The following PKP4 variants were observed in gnomAD, a reference collection of about 807,000 sequenced individuals.
The protein encoded by PKP4 is plakophilin-4.
In PKP4, 90 loss-of-function variants were observed where a neutral mutation model predicts 145.1. The observed-to-expected ratio is 0.62, with a 90% confidence interval of 0.52 to 0.74. PKP4 has a LOEUF of 0.74. PKP4 is among the 30% of genes least tolerant of loss of function. The probability of loss-of-function intolerance (pLI) is 0.00; values close to 1 mark genes in which losing one functional copy is unlikely to be tolerated. For synonymous variants in PKP4, 563 were observed against 577.2 expected, an observed-to-expected ratio of 0.98 and a Z score of 0.35; for missense variants, 1,340 against 1,482.7, an observed-to-expected ratio of 0.90 and a Z score of 1.58.
At chr2:158,670,003 T>A in intron 17 of PKP4, 88 bp downstream of exon 17, 6 of 1,022,176 alleles carry the variant, frequency 5.9e-6, no homozygotes, top group East Asian at 2.5e-5. Flanking sequence ...CCTTTCCTAT[T>A]GGAAAGGATT....
chr2:158,577,484 A>T lies in PKP4; in HGVS notation c.245+101A>T, dbSNP rs943323836. On this transcript the variant is annotated intron_variant, in intron 3 of 21. Coordinates refer to ENST00000389759, the MANE Select transcript of PKP4 (RefSeq NM_003628.6). ...GATTCTGTTAGTGTTGTTACTGTTAACTTGCCTTCCAGAATTTGAAACCAA... is the reference window on the plus strand; with the variant it reads ...GATTCTGTTAGTGTTGTTACTGTTATCTTGCCTTCCAGAATTTGAAACCAA... The T allele has an allele frequency of 3.1e-5, 22 of 717,852 alleles. 1 individual carries two copies. The Admixed American group carries it at 5.8e-4, about 19-fold the overall frequency. 44.5% of individuals were successfully genotyped at this position (717,852 alleles called of 1,614,324 possible).
intron 1 of PKP4, among the ~76,000 whole-genome samples, chr2:158,487,043 T>C (rs1694265873): frequency 6.6e-6 from 1 of 152,212 alleles, no homozygotes; most frequent in South Asian, 2.1e-4. Flanking sequence ...ATATTCCATA[T>C]GAAACGTTAC....
intron 1 of PKP4, among the ~76,000 whole-genome samples, chr2:158,516,518 T>TA: frequency 6.6e-6 from 1 of 152,292 alleles, no homozygotes; most frequent in East Asian, 1.9e-4. Flanking sequence ...TCTTCTAGGT[T>TA]ATGATTGGCC....
intron 13 of PKP4, chr2:158,661,692 C>T (rs2056599313): frequency 2.9e-6 from 1 of 346,302 alleles, no homozygotes; most frequent in Non-Finnish European, 5.5e-6. Flanking sequence ...CTCTGGTTCC[C>T]CTAGGCTCAT....
At chr2:158,621,614 C>A (rs1275525313) in intron 6 of PKP4, among the ~76,000 whole-genome samples, 193 bp downstream of exon 6, 1 of 151,976 alleles carries the variant, frequency 6.6e-6, no homozygotes, top group Non-Finnish European at 1.5e-5. Context: ...GGCGTGGTGG[C>A]GGGCGCCTGT....
intron 1 of PKP4, among the ~76,000 whole-genome samples, chr2:158,467,862 A>T (rs1212790288): frequency 1.3e-5 from 2 of 152,122 alleles, no homozygotes; most frequent in Non-Finnish European, 2.9e-5. Flanking sequence ...ATAAAAAAAT[A>T]AAAAAAGAAT....
At chr2:158,658,983 G>T (rs2105970996) in intron 12 of PKP4, 1 of 152,476 alleles carries the variant, frequency 6.6e-6, no homozygotes, top group East Asian at 1.9e-4. Flanking sequence ...ACCCGTTTGA[G>T]CCTCCGTTTC....
chr2:158,663,227 C>G (rs1258629772), intron 14 of PKP4, 45 bp from the exon 15 acceptor site: 1 of 1,577,062 alleles, frequency 6.3e-7, no homozygotes, highest in Non-Finnish European at 8.7e-7. Context: ...TATTGGAGAT[C>G]ATGTTCATTC....
intron 2 of PKP4, among the ~76,000 whole-genome samples, chr2:158,556,298 GT>G (rs1559319215): frequency 1.4e-4 from 22 of 152,310 alleles, no homozygotes; most frequent in African/African-American, 4.8e-4. Flanking sequence ...ACAGCTCGGT[GT>G]GTTGTAATCA....
intron 9 of PKP4, among the ~76,000 whole-genome samples, chr2:158,638,762 A>G (rs1476758000): frequency 2.0e-5 from 3 of 152,234 alleles, no homozygotes; most frequent in African/African-American, 7.2e-5. Flanking sequence ...TAGATAGTCA[A>G]CAGAACTTGC....
chr2:158,562,006 G>A (rs916349384), intron 2 of PKP4, among the ~76,000 whole-genome samples: 7 of 147,106 alleles, frequency 4.8e-5, no homozygotes, highest in Admixed American at 7.0e-5. Context: ...CAAGTCAGTC[G>A]TTTAAATTAC....
chr2:158,671,476 G>A (rs949581655), intron 17 of PKP4, among the ~76,000 whole-genome samples: 5 of 152,180 alleles, frequency 3.3e-5, no homozygotes, highest in Admixed American at 3.3e-4. Context: ...ATAAGAAGAG[G>A]CTGAGATGCT....
At chr2:158,565,728 A>C (rs1399456250) in intron 2 of PKP4, among the ~76,000 whole-genome samples, 2 of 152,148 alleles carry the variant, frequency 1.3e-5, no homozygotes, top group East Asian at 3.9e-4. Context: ...GGTTGGACGC[A>C]GCCTGTAGCT....
chr2:158,611,454 A>T (rs567368306), intron 4 of PKP4, among the ~76,000 whole-genome samples: 1 of 152,230 alleles, frequency 6.6e-6, no homozygotes, highest in Admixed American at 6.5e-5. Context: ...GCTTTAAAAA[A>T]TAAAAATAAA....
At chr2:158,671,876 C>T (rs1339154195) in intron 17 of PKP4, among the ~76,000 whole-genome samples, 2 of 152,232 alleles carry the variant, frequency 1.3e-5, no homozygotes, top group African/African-American at 4.8e-5. Flanking sequence ...CTTGCAGAGA[C>T]AGTGCCTTTT....
At chr2:158,523,075 G>C (rs1242985823) in intron 1 of PKP4, among the ~76,000 whole-genome samples, 1 of 152,226 alleles carries the variant, frequency 6.6e-6, no homozygotes, top group Non-Finnish European at 1.5e-5. Context: ...CCATTGCCCA[G>C]GCTTGCTTAG....
chr2:158,607,911 C>T (rs2050786598), intron 4 of PKP4, among the ~76,000 whole-genome samples: 3 of 152,016 alleles, frequency 2.0e-5, no homozygotes, highest in Non-Finnish European at 4.4e-5. Flanking sequence ...ATTTGACTGC[C>T]ATCTTCAGGG....
intron 1 of PKP4, among the ~76,000 whole-genome samples, chr2:158,466,414 C>T (rs114536954): frequency 0.015 from 2,222 of 152,056 alleles, 54 homozygotes; most frequent in African/African-American, 0.05. Context: ...AAGAAATTAA[C>T]GGCTGGGTGC....
intron 1 of PKP4, among the ~76,000 whole-genome samples, chr2:158,470,634 C>T (rs1001845812): frequency 8.5e-5 from 13 of 152,262 alleles, no homozygotes; most frequent in African/African-American, 2.9e-4. Flanking sequence ...GGAAAGGCAT[C>T]TCCAAGGTTG....
Sources: allele counts gnomAD v4.1 joint callset (sites outside exome capture counted in the v4.1 genomes callset), GRCh38; gene constraint gnomAD v4.1.1; transcripts MANE v1.5; gene names NCBI Gene and HGNC (gene_info 2026-07-23, HGNC 2026-07-21).